The following NUP153 variants were observed in gnomAD, a reference collection of about 807,000 sequenced individuals.
The protein encoded by NUP153 is nucleoporin 153.
A neutral mutation model predicts 134.6 loss-of-function variants in NUP153; 27 were observed. The ratio of observed to expected loss-of-function variants is 0.20; its 90% CI spans 0.15 to 0.28. The LOEUF (loss-of-function observed/expected upper bound fraction) is 0.28. Ranked by LOEUF, NUP153 falls within the 10% of genes least tolerant of loss-of-function variation. The pLI is 1.00. For missense variants in NUP153, 1,821 were observed against 1,731.3 expected (o/e 1.05, Z -0.92); for synonymous variants, 640 against 623.5 (o/e 1.03, Z -0.40).
intron 1 of NUP153, among the ~76,000 whole-genome samples, chr6:17,701,832 C>G (rs55765085): frequency 0.38 from 16,758 of 43,944 alleles, 2,033 homozygotes; most frequent in Non-Finnish European, 0.44. Flanking sequence ...GACTCTGTCT[C>G]GGGGGGGGGG....
chr6:17,703,106 G>C (rs1770234674), intron 1 of NUP153, among the ~76,000 whole-genome samples: 1 of 148,468 alleles, frequency 6.7e-6, no homozygotes, highest in Admixed American at 6.9e-5. Context: ...GCTGAGGCAA[G>C]AGAATGGAAT....
Position 17,675,324 on chromosome 6 carries a change from G to T in NUP153, c.628C>A (p.Pro210Thr), listed in dbSNP as rs556345430. 6.2e-7 allele frequency: 1 copy of T among 1,613,970 alleles called. No homozygotes were observed. The highest frequency in any genetic ancestry group is 2.2e-5 in the East Asian group (1 of 44,880). ...KNTSLPPLWS[P>T]EAERSHSLSQ... ...AGTGAGTGAGAACGTTCAGCTTCTG[G>T]GGACCACAGAGGTGGCAATGAAGTG... Residue 210 changes from proline (P) to threonine (T), a missense_variant, in exon 4 of 22, where the codon CCA becomes ACA. By Grantham distance (38) the Pro-to-Thr change is conservative. Transcript: ENST00000262077. The surrounding 1 kb of genome is among the most constrained non-coding windows in gnomAD (Gnocchi z 4.4).
At chr6:17,661,883 G>A in intron 10 of NUP153, 104 bp from the exon 11 acceptor site, 1 of 1,284,900 alleles carries the variant, frequency 7.8e-7, no homozygotes, top group Non-Finnish European at 1.1e-6. Flanking sequence ...AGCTGAACGT[G>A]ATTCTAAAAT....
At chr6:17,691,764 T>A (rs1769289165) in intron 1 of NUP153, among the ~76,000 whole-genome samples, 1 of 151,992 alleles carries the variant, frequency 6.6e-6, no homozygotes, top group African/African-American at 2.4e-5. Flanking sequence ...AAAAAAAGAC[T>A]TAAAAACAAA....
intron 14 of NUP153, among the ~76,000 whole-genome samples, chr6:17,640,918 T>C (rs1007626019): frequency 1.3e-5 from 2 of 152,246 alleles, no homozygotes; most frequent in African/African-American, 4.8e-5. Flanking sequence ...TCATCATGCC[T>C]GGCCCACAAA....
At chr6:17,678,268 A>G (rs1359733083) in intron 2 of NUP153, among the ~76,000 whole-genome samples, 1 of 146,468 alleles carries the variant, frequency 6.8e-6, no homozygotes, top group Non-Finnish European at 1.5e-5. Context: ...AAGCACGAGA[A>G]TTGCTTGAAC....
intron 2 of NUP153, among the ~76,000 whole-genome samples, chr6:17,685,111 G>A (rs1768835928): frequency 6.6e-6 from 1 of 152,216 alleles, no homozygotes; most frequent in African/African-American, 2.4e-5. Context: ...TGTAAAAAAT[G>A]CAGTATGTGC....
intron 1 of NUP153, among the ~76,000 whole-genome samples, chr6:17,691,778 A>G (rs769134675): frequency 3.3e-5 from 5 of 152,152 alleles, no homozygotes; most frequent in Non-Finnish European, 5.9e-5. Context: ...AAACAAAGAC[A>G]TACTTGATAT....
At chr6:17,687,213 G>GA (rs1206683472) in intron 2 of NUP153, among the ~76,000 whole-genome samples, 1 of 152,126 alleles carries the variant, frequency 6.6e-6, no homozygotes, top group Non-Finnish European at 1.5e-5. Context: ...CATTAGGATA[G>GA]AAAAGATCAT....
intron 18 of NUP153, among the ~76,000 whole-genome samples, chr6:17,627,218 C>T (rs1164925617): frequency 1.3e-5 from 2 of 152,110 alleles, no homozygotes. Context: ...TCTACCATAG[C>T]CTGGTGTTTT....
At chr6:17,689,384 T>C (rs1345876344) in intron 1 of NUP153, among the ~76,000 whole-genome samples, 7 of 150,978 alleles carry the variant, frequency 4.6e-5, no homozygotes, top group Non-Finnish European at 1.0e-4. Flanking sequence ...CAAAACTCCA[T>C]CTCAAAAAAC....
chr6:17,629,219 A>C lies in NUP153; in HGVS notation c.2980T>G (p.Ser994Ala). The C allele has an allele frequency of 4.3e-6, 7 of 1,613,600 alleles. No individual in the cohort carries two copies. The highest frequency in any genetic ancestry group is 5.9e-6 in the Non-Finnish European group (7 of 1,179,868). ...ACCCCAAATTGAAATGGAGTTAAAG[A>C]AACTGGGTTGCTTAAACCAGAAGAA... is the stretch of plus-strand genomic sequence containing the variant. ...GLSSGLSNPV[S>A]LTPFQFGVSN... The change falls in exon 18 of 22, where the codon TCT (serine) becomes GCT (alanine). Residue 994 changes from serine to alanine, a missense_variant. By Grantham distance (99) the Ser-to-Ala change is moderately conservative. Coordinates refer to ENST00000262077, the MANE Select transcript of NUP153 (RefSeq NM_005124.4).
chr6:17,616,748 T>C, intron 20 of NUP153, 53 bp from the exon 21 acceptor site: 1 of 1,492,482 alleles, frequency 6.7e-7, no homozygotes, highest in Non-Finnish European at 9.2e-7. Context: ...TAGGTTTTTT[T>C]GTTTGTTTGT....
intron 1 of NUP153, among the ~76,000 whole-genome samples, chr6:17,689,038 A>G (rs887772916): frequency 6.6e-6 from 1 of 152,032 alleles, no homozygotes; most frequent in Admixed American, 6.6e-5. Flanking sequence ...CTTTAAGATA[A>G]ATAAAAATTC....
rs1409016750 is a variant in NUP153, at chr6:17,625,101, C to T, written c.3902-268G>A. Among the ~76,000 whole-genome samples, 1 of 152,170 alleles carries T rather than the reference C, an allele frequency of 6.6e-6. No individual in the cohort carries two copies. The highest frequency in any genetic ancestry group is 1.9e-4 in the East Asian group (1 of 5,200). The stretch of plus-strand genomic sequence containing the variant: ...CAGCCGACAATTTCTGGTAAAGGAA[C>T]ATATCTCAGAATAATCTCCCACCAG... On this transcript the variant is annotated intron_variant, in intron 19 of 21. Coordinates refer to ENST00000262077, the MANE Select transcript of NUP153 (RefSeq NM_005124.4). This position sits in a 1 kb window ranked among gnomAD's most constrained non-coding sequence, Gnocchi z 4.7.
intron 2 of NUP153, among the ~76,000 whole-genome samples, chr6:17,686,860 T>C (rs1410169986): frequency 8.6e-6 from 1 of 115,750 alleles, no homozygotes; most frequent in Non-Finnish European, 1.6e-5. Context: ...TGATTATTGT[T>C]GAAGCTCAGT....
chr6:17,644,969 C>T (rs28599568), intron 14 of NUP153, among the ~76,000 whole-genome samples: 228 of 152,128 alleles, frequency 1.5e-3, no homozygotes, highest in African/African-American at 5.3e-3. Flanking sequence ...GCCTGTGGTG[C>T]CAGCTACTCG....
At chr6:17,682,443 G>A (rs1768645989) in intron 2 of NUP153, among the ~76,000 whole-genome samples, 3 of 152,244 alleles carry the variant, frequency 2.0e-5, no homozygotes, top group East Asian at 3.9e-4. Flanking sequence ...TTCCTTTAAC[G>A]AAAGATTTCT....
In NUP153 at chr6:17,625,829, T is replaced by C. The variant is rs1418649687; in HGVS notation, c.3880A>G (p.Thr1294Ala). 1.2e-6 allele frequency: 2 copies of C among 1,613,730 alleles called. No individual in the cohort carries two copies. Among genetic ancestry groups the C allele is most frequent in the Non-Finnish European group, 1.7e-6 (2 of 1,179,702 alleles). ...TTTSGFGFGA[T>A]TTSSSAGSSF... Reference sequence around the variant, plus strand: ...GTACCTGCAGAGCTAGATGTGGTTGTGGCTCCAAAGCCGAAACCAGAGGTG... The same window carrying C: ...GTACCTGCAGAGCTAGATGTGGTTGCGGCTCCAAAGCCGAAACCAGAGGTG... The change falls in exon 19 of 22, where the codon ACA (threonine) becomes GCA (alanine). Residue 1294 changes from threonine (T) to alanine (A), a missense_variant. Transcript: ENST00000262077. The surrounding 1 kb of genome is among the most constrained non-coding windows in gnomAD (Gnocchi z 4.7).
Sources: gnomAD v4.1 joint callset for allele counts (sites outside exome capture counted in the v4.1 genomes callset) on GRCh38, gnomAD v4.1.1 for gene constraint, Gnocchi (gnomAD v3.1) non-coding constraint, MANE v1.5 for transcripts, NCBI Gene and HGNC (gene_info 2026-07-23, HGNC 2026-07-21) for gene names.